The following MGAT4A variants were observed in gnomAD, a reference collection of about 807,000 sequenced individuals.
The protein encoded by MGAT4A is N-acetylglucosaminyltransferase IVa.
MGAT4A carries 33 observed loss-of-function variants against 74.1 expected under a neutral mutation model. The ratio of observed to expected loss-of-function variants is 0.45; its 90% CI spans 0.34 to 0.60. The LOEUF is 0.60. Among genes scored for constraint, MGAT4A ranks in the 20% least tolerant of loss-of-function variants. MGAT4A has a pLI of 0.02. For missense variants in MGAT4A, 479 were observed against 628.3 expected (o/e 0.76, Z 2.54); for synonymous variants, 198 against 210.4 (o/e 0.94, Z 0.51).
intron 13 of MGAT4A, 81 bp from the exon 14 acceptor site, chr2:98,635,369 A>G: frequency 9.7e-7 from 1 of 1,029,912 alleles, no homozygotes. Flanking sequence ...AATATAGATG[A>G]AGTGGCATTT....
At chr2:98,670,228 CCA>C (rs1701894675) in intron 4 of MGAT4A, among the ~76,000 whole-genome samples, 1 of 152,066 alleles carries the variant, frequency 6.6e-6, no homozygotes, top group Non-Finnish European at 1.5e-5. Context: ...AGAAACAGAG[CCA>C]ACGGGTTGGG....
At position 98,663,162 on chromosome 2, in the gene MGAT4A, T is replaced by C; in HGVS notation, c.421A>G (p.Ile141Val). 6.3e-7 allele frequency: 1 copy of C among 1,586,434 alleles called. No individual in the cohort carries two copies. Among genetic ancestry groups the C allele is most frequent in the Non-Finnish European group, 8.6e-7 (1 of 1,167,950 alleles). ...GRTGVSIVMGIPTVKREVKSY... is the reference protein window; with the variant it reads ...GRTGVSIVMGVPTVKREVKSY... The stretch of plus-strand genomic sequence containing the variant: ...TTAACTTCTCTCTTCACTGTGGGAA[T>C]GCCCATGACTATTGAAACTGGAAAA... The change falls in exon 5 of 16, where the codon ATT becomes GTT. Residue 141 changes from isoleucine to valine, a missense_variant. Around this residue, in one of 3 missense-constraint regions of MGAT4A, gnomAD observed 205 missense variants for 232.7 expected, o/e 0.88. Coordinates refer to ENST00000393487, the MANE Select transcript of MGAT4A (RefSeq NM_012214.3).
chr2:98,652,723 C>T (rs1270155604), intron 8 of MGAT4A, among the ~76,000 whole-genome samples: 1 of 152,120 alleles, frequency 6.6e-6, no homozygotes, highest in Admixed American at 6.5e-5. Context: ...TCAACTGATA[C>T]TCCCACCTCA....
chr2:98,722,739 T>C (rs1420877832), intron 2 of MGAT4A, among the ~76,000 whole-genome samples: 1 of 152,230 alleles, frequency 6.6e-6, no homozygotes, highest in Admixed American at 6.5e-5. Flanking sequence ...AAATACATTT[T>C]TGCTGAAGGA....
intron 8 of MGAT4A, among the ~76,000 whole-genome samples, chr2:98,646,578 G>A (rs969987572): frequency 1.3e-5 from 2 of 152,028 alleles, no homozygotes; most frequent in Non-Finnish European, 2.9e-5. Flanking sequence ...ATGGGGGTGG[G>A]TACCTGTAAT....
intron 2 of MGAT4A, among the ~76,000 whole-genome samples, chr2:98,707,551 T>C (rs1702456703): frequency 6.6e-6 from 1 of 151,904 alleles, no homozygotes; most frequent in South Asian, 2.1e-4. Flanking sequence ...TCCTAGCACT[T>C]CTCCCGATGT....
chr2:98,640,246 T>A lies in MGAT4A; in HGVS notation c.1021-18A>T. On this transcript the variant is annotated intron_variant, in intron 10 of 15. Coordinates refer to ENST00000393487, the MANE Select transcript of MGAT4A (RefSeq NM_012214.3). The stretch of plus-strand genomic sequence containing the variant: ...CAATGTTTCTAAATATTAAAAAAAA[T>A]CACGTTAGTGTTGCATCATAAAGTG... The A allele has an allele frequency of 6.3e-7, 1 of 1,579,268 alleles. No homozygotes were observed.
chr2:98,645,860 G>A (rs968102287), intron 8 of MGAT4A, among the ~76,000 whole-genome samples: 1 of 152,058 alleles, frequency 6.6e-6, no homozygotes, highest in Non-Finnish European at 1.5e-5. Context: ...CAAGATAAAG[G>A]TCTTATCACA....
intron 14 of MGAT4A, among the ~76,000 whole-genome samples, chr2:98,626,505 A>G (rs1397518741): frequency 6.6e-6 from 1 of 152,220 alleles, no homozygotes; most frequent in Non-Finnish European, 1.5e-5. Context: ...AAAAGTGACA[A>G]GAAAATGGTT....
chr2:98,674,429 T>C (rs1413060763), intron 4 of MGAT4A, among the ~76,000 whole-genome samples: 2 of 152,216 alleles, frequency 1.3e-5, no homozygotes, highest in Admixed American at 1.3e-4. Context: ...CTGTGGAGTG[T>C]ACTTTGGTTT....
In MGAT4A at chr2:98,639,869, T is replaced by C; in HGVS notation, c.1261A>G (p.Ile421Val). 2 of 1,614,166 alleles carry C rather than the reference T, an allele frequency of 1.2e-6. No individual in the cohort carries two copies. The highest frequency in any genetic ancestry group is 1.7e-6 in the Non-Finnish European group (2 of 1,180,002). Residue 421 changes from isoleucine (I) to valine (V), a missense_variant, in exon 12 of 16, where the codon ATC (isoleucine) becomes GTC (valine). This residue lies in a region of MGAT4A where 236 missense variants were observed against 308.2 expected (regional missense o/e 0.77). Transcript: ENST00000393487. Reference sequence around the variant, plus strand: ...ATGTAGTCTCCAGCTATCGGTGTGATAGCCCAGAAGAAATCCTCTCCCATG... The same window carrying C: ...ATGTAGTCTCCAGCTATCGGTGTGACAGCCCAGAAGAAATCCTCTCCCATG... ...TYMGEDFFWAITPIAGDYILF... is the reference protein window; with the variant it reads ...TYMGEDFFWAVTPIAGDYILF...
chr2:98,674,205 C>T (rs1386419287), intron 4 of MGAT4A, among the ~76,000 whole-genome samples: 1 of 152,126 alleles, frequency 6.6e-6, no homozygotes, highest in Non-Finnish European at 1.5e-5. Flanking sequence ...CAAAAGTAGA[C>T]CCAGCTTTTC....
rs900308957 is a variant in MGAT4A, at chr2:98,624,056, A to T, written c.*1510T>A. The T allele has an allele frequency of 2.9e-5, 28 of 978,320 alleles. No individual in the cohort carries two copies. Among genetic ancestry groups the T allele is most frequent in the Non-Finnish European group, 3.3e-5 (27 of 823,928 alleles). The allele number at this position is 978,320 out of a possible 1,614,324, so 60.6% of individuals were successfully genotyped here. ...GAGACGGAGTCTAGCTGTGTCGCCCAGGCTGGAGTGCAGTGGTGCGATCTC... is the reference window on the plus strand; with the variant it reads ...GAGACGGAGTCTAGCTGTGTCGCCCTGGCTGGAGTGCAGTGGTGCGATCTC... On this transcript the variant is annotated 3_prime_UTR_variant, in exon 16 of 16. Transcript: ENST00000393487.
intron 7 of MGAT4A, chr2:98,655,755 GA>G: frequency 1.1e-5 from 4 of 366,178 alleles, no homozygotes; most frequent in South Asian, 5.5e-5. Context: ...CTGTCCTGAG[GA>G]AAAAAATGAG....
Position 98,622,382 on chromosome 2 carries a change from G to A in MGAT4A, c.*3184C>T, listed in dbSNP as rs985489576. The A allele has an allele frequency of 2.1e-5, 21 of 985,246 alleles. No homozygotes were observed. Among genetic ancestry groups the A allele is most frequent in the Admixed American group, 6.2e-5 (1 of 16,258 alleles). 61.0% of individuals were successfully genotyped at this position (985,246 alleles called of 1,614,324 possible). On this transcript the variant is annotated 3_prime_UTR_variant, in exon 16 of 16. Transcript: ENST00000393487. ...CACTAGTGTGTGTGATGGCAGAACC[G>A]GGTAAAAAAATGTTTTTATTTAAAC...
chr2:98,666,632 G>T (rs1303229736), intron 4 of MGAT4A, among the ~76,000 whole-genome samples: 2 of 151,944 alleles, frequency 1.3e-5, no homozygotes, highest in Non-Finnish European at 2.9e-5. Context: ...GGTAGAGGCT[G>T]CAGTGAGCTG....
rs142392504 is a variant in MGAT4A, at chr2:98,623,418, A to G, written c.*2148T>C. ...GCAACTGAGGAACCAGGGACCCAAG[A>G]GTACTCCTAAGCCCACCTGCAGAGA... On this transcript the variant is annotated 3_prime_UTR_variant, in exon 16 of 16. Coordinates refer to ENST00000393487, the MANE Select transcript of MGAT4A (RefSeq NM_012214.3). The G allele has an allele frequency of 1.4e-3, 1,383 of 985,438 alleles. 19 individuals are homozygous for G. In the African/African-American group the frequency reaches 0.022, roughly 16 times the overall value. The allele number at this position is 985,438 out of a possible 1,614,324, so 61.0% of individuals were successfully genotyped here. A position where few individuals can be genotyped will look rare whatever the true frequency, so the allele number is the denominator to read the frequency against.
intron 14 of MGAT4A, among the ~76,000 whole-genome samples, chr2:98,632,752 C>A (rs1356972283): frequency 6.6e-6 from 1 of 152,056 alleles, no homozygotes; most frequent in Non-Finnish European, 1.5e-5. Context: ...ATGGCAGTAG[C>A]CCTTGGTTTT....
intron 2 of MGAT4A, among the ~76,000 whole-genome samples, chr2:98,705,451 T>G (rs1474771443): frequency 1.3e-5 from 2 of 152,162 alleles, no homozygotes; most frequent in African/African-American, 4.8e-5. Flanking sequence ...CATGCTATCT[T>G]TGCCTAGGAC....
Sources: gnomAD v4.1 joint callset for allele counts (sites outside exome capture counted in the v4.1 genomes callset) on GRCh38, gnomAD v4.1.1 for gene constraint, gnomAD v4.1.1 regional missense constraint, MANE v1.5 for transcripts, NCBI Gene and HGNC (gene_info 2026-07-23, HGNC 2026-07-21) for gene names.